CTNNA1: variants seen among roughly 807,000 people sequenced by gnomAD.
The protein encoded by CTNNA1 is catenin alpha-1.
CTNNA1 carries 37 observed loss-of-function variants against 98.4 expected under a neutral mutation model. That is an observed-to-expected ratio of 0.38 (90% CI 0.29 to 0.49). The LOEUF (loss-of-function observed/expected upper bound fraction) is 0.49. CTNNA1 is among the 20% of genes least tolerant of loss of function. The pLI, the probability that CTNNA1 is intolerant of heterozygous loss-of-function variation, is 0.95. For synonymous variants in CTNNA1, 404 were observed against 413.2 expected, an observed-to-expected ratio of 0.98 and a Z score of 0.27; for missense variants, 761 against 1,147.2, an observed-to-expected ratio of 0.66 and a Z score of 4.86.
At chr5:138,872,033 T>A (rs1293423612) in intron 7 of CTNNA1, 3 of 117,674 alleles carry the variant, frequency 2.5e-5, no homozygotes. Context: ...CGAGAGTGTG[T>A]GTGTGTGTGT....
intron 4 of CTNNA1, 54 bp downstream of exon 4, chr5:138,810,258 T>G: frequency 6.4e-7 from 1 of 1,569,658 alleles, no homozygotes; most frequent in Non-Finnish European, 8.8e-7. Context: ...AGATTGCTAC[T>G]GGCCTTCCTT....
At chr5:138,884,015 G>C (rs972398772) in intron 7 of CTNNA1, among the ~76,000 whole-genome samples, 3 of 152,188 alleles carry the variant, frequency 2.0e-5, no homozygotes, top group African/African-American at 7.2e-5. Context: ...GGCCCAATAT[G>C]AGTGGCCAAG....
chr5:138,856,396 G>A (rs760276557), intron 7 of CTNNA1, among the ~76,000 whole-genome samples: 7 of 152,124 alleles, frequency 4.6e-5, no homozygotes, highest in Non-Finnish European at 1.0e-4. Context: ...AGGCTGGAGT[G>A]TAGTGGCCGT....
At chr5:138,913,317 G>T (rs1031999882) in intron 10 of CTNNA1, among the ~76,000 whole-genome samples, 1 of 151,694 alleles carries the variant, frequency 6.6e-6, no homozygotes, top group Non-Finnish European at 1.5e-5. Context: ...GTTTTTTCAG[G>T]CCAGGTGCTG....
At chr5:138,828,746 T>C (rs1760972136) in intron 7 of CTNNA1, among the ~76,000 whole-genome samples, 1 of 152,220 alleles carries the variant, frequency 6.6e-6, no homozygotes, top group Non-Finnish European at 1.5e-5. Context: ...CATGGTGGAA[T>C]TCCTAGGGTG....
At position 138,874,328 on chromosome 5, in the gene CTNNA1, C is replaced by G. The variant is rs1483489557; in HGVS notation, c.1063-11884C>G. On this transcript the variant is annotated intron_variant, in intron 7 of 17. Coordinates refer to ENST00000302763, the MANE Select transcript of CTNNA1 (RefSeq NM_001903.5). This position sits in a 1 kb window ranked among gnomAD's most constrained non-coding sequence, Gnocchi z 4.1. ...TTGACTGAAGCTGGCAAATTGATCTCTTTCGAGCTCTGTGATGTGATTGTG... is the reference window on the plus strand; with the variant it reads ...TTGACTGAAGCTGGCAAATTGATCTGTTTCGAGCTCTGTGATGTGATTGTG... The G allele has an allele frequency of 1.9e-6, 3 of 1,614,028 alleles. No homozygotes were observed. In the South Asian group the frequency reaches 3.3e-5, roughly 18 times the overall value.
intron 7 of CTNNA1, chr5:138,872,935 A>C (rs1470770661): frequency 9.4e-7 from 1 of 1,068,652 alleles, no homozygotes; most frequent in African/African-American, 1.6e-5. Flanking sequence ...CATTGGTAAA[A>C]ATTAGATATG....
chr5:138,850,391 G>A (rs1763083066), intron 7 of CTNNA1, among the ~76,000 whole-genome samples: 1 of 152,170 alleles, frequency 6.6e-6, no homozygotes, highest in Non-Finnish European at 1.5e-5. Context: ...TTTCATGTTT[G>A]AATTGTTTTT....
At chr5:138,787,028 G>A (rs1298305928) in intron 3 of CTNNA1, among the ~76,000 whole-genome samples, 1 of 152,086 alleles carries the variant, frequency 6.6e-6, no homozygotes, top group Non-Finnish European at 1.5e-5. Flanking sequence ...AATTTTTAAA[G>A]GATTTTTAAG....
chr5:138,784,590 T>C (rs1755470331), intron 3 of CTNNA1, among the ~76,000 whole-genome samples: 1 of 152,210 alleles, frequency 6.6e-6, no homozygotes, highest in African/African-American at 2.4e-5. Context: ...ATTAGGCAGG[T>C]ATATTAGTTT....
rs200808250 is a variant in CTNNA1, at chr5:138,929,222, C to G, written c.1900-24C>G. 8 of 1,306,168 alleles carry G rather than the reference C, an allele frequency of 6.1e-6. No homozygotes were observed. The African/African-American group carries it at 1.0e-4, about 17-fold the overall frequency. 80.9% of individuals were successfully genotyped at this position (1,306,168 alleles called of 1,614,324 possible). A position where few individuals can be genotyped will look rare whatever the true frequency, so the allele number is the denominator to read the frequency against. Reference sequence around the variant, plus strand: ...CTGGTGGCCCAGAGATGTGTCTGACCTGTGATCTTTGTCTGGGTGGCAGAC... The same window carrying G: ...CTGGTGGCCCAGAGATGTGTCTGACGTGTGATCTTTGTCTGGGTGGCAGAC... On this transcript the variant is annotated intron_variant, in intron 13 of 17. Coordinates refer to ENST00000302763, the MANE Select transcript of CTNNA1 (RefSeq NM_001903.5).
chr5:138,879,482 TA>T (rs1303218419), intron 7 of CTNNA1, among the ~76,000 whole-genome samples: 1 of 152,040 alleles, frequency 6.6e-6, no homozygotes, highest in Non-Finnish European at 1.5e-5. Context: ...TGTTTTTTTT[TA>T]AAAAGACAGT....
At chr5:138,830,214 A>G (rs1433127046) in intron 7 of CTNNA1, among the ~76,000 whole-genome samples, 1 of 146,662 alleles carries the variant, frequency 6.8e-6, no homozygotes, top group Admixed American at 6.8e-5. Flanking sequence ...CAGAAAAATT[A>G]GCCAGGCGTG....
chr5:138,897,619 G>T (rs560416119), intron 9 of CTNNA1, among the ~76,000 whole-genome samples: 3 of 152,040 alleles, frequency 2.0e-5, no homozygotes, highest in Non-Finnish European at 4.4e-5. Flanking sequence ...ATGTTTTCAC[G>T]AGAGAAGTTA....
chr5:138,802,037 G>T (rs1354855462), intron 3 of CTNNA1, among the ~76,000 whole-genome samples: 1 of 152,112 alleles, frequency 6.6e-6, no homozygotes, highest in African/African-American at 2.4e-5. Context: ...ACAAATAAGC[G>T]TAGATATTGG....
intron 1 of CTNNA1, among the ~76,000 whole-genome samples, chr5:138,772,383 T>A (rs1283755684): frequency 6.6e-6 from 1 of 152,188 alleles, no homozygotes; most frequent in Non-Finnish European, 1.5e-5. Context: ...TCTAGTAGGT[T>A]TTGTGATAGA....
chr5:138,867,404 G>A (rs1353745813), intron 7 of CTNNA1, among the ~76,000 whole-genome samples: 1 of 152,220 alleles, frequency 6.6e-6, no homozygotes, highest in East Asian at 1.9e-4. Flanking sequence ...CTGGCAGTCA[G>A]CTCCTGGAAG....
At chr5:138,850,517 T>C (rs903014599) in intron 7 of CTNNA1, among the ~76,000 whole-genome samples, 5 of 152,232 alleles carry the variant, frequency 3.3e-5, no homozygotes, top group African/African-American at 1.2e-4. Flanking sequence ...TACATCTTAC[T>C]GTATTATCTA....
intron 16 of CTNNA1, chr5:138,932,368 C>T (rs1765551906): frequency 2.1e-6 from 3 of 1,401,928 alleles, no homozygotes; most frequent in Non-Finnish European, 2.8e-6. Flanking sequence ...AGTCAGGGTC[C>T]CATGGACGAC....
Sources: gnomAD v4.1 joint callset for allele counts (sites outside exome capture counted in the v4.1 genomes callset) on GRCh38, gnomAD v4.1.1 for gene constraint, Gnocchi (gnomAD v3.1) non-coding constraint, MANE v1.5 for transcripts, NCBI Gene and HGNC (gene_info 2026-07-23, HGNC 2026-07-21) for gene names.